The following AKT2 variants were observed in gnomAD, a reference collection of about 807,000 sequenced individuals.
The protein encoded by AKT2 is AKT serine/threonine kinase 2.
Under a neutral mutation model 58.6 loss-of-function variants are expected in AKT2, and 16 were observed. The ratio of observed to expected loss-of-function variants is 0.27; its 90% confidence interval spans 0.18 to 0.41. The LOEUF is 0.41. AKT2 is among the 10% of genes least tolerant of loss of function. The pLI, the probability that AKT2 is intolerant of heterozygous loss-of-function variation, is 1.00. For synonymous variants in AKT2, 253 were observed against 254.0 expected (o/e 1.00, Z 0.04); for missense variants, 438 against 661.0 (o/e 0.66, Z 3.70).
At chr19:40,240,434 G>A in intron 6 of AKT2, 1 of 544,442 alleles carries the variant, frequency 1.8e-6, no homozygotes, top group South Asian at 1.6e-5. Context: ...GCCACCACAG[G>A]CTGTGGGAAG....
chr19:40,248,327 G>A (rs564951194), intron 4 of AKT2, among the ~76,000 whole-genome samples: 183 of 152,370 alleles, frequency 1.2e-3, no homozygotes, highest in Non-Finnish European at 1.8e-3. Flanking sequence ...TGCAAATGTG[G>A]AGCATTTCTG....
chr19:40,267,558 A>G (rs1437566532), intron 1 of AKT2, among the ~76,000 whole-genome samples: 9 of 152,036 alleles, frequency 5.9e-5, no homozygotes, highest in Non-Finnish European at 1.5e-5. Context: ...CTCTTTGTGC[A>G]CCCTCGGAGC....
intron 4 of AKT2, among the ~76,000 whole-genome samples, chr19:40,250,665 A>G (rs1442940593): frequency 6.6e-6 from 1 of 152,006 alleles, no homozygotes; most frequent in Non-Finnish European, 1.5e-5. Context: ...CCATCTCTAC[A>G]AAAAATACAA....
chr19:40,280,385 T>C (rs1205630353), intron 1 of AKT2, among the ~76,000 whole-genome samples: 1 of 152,122 alleles, frequency 6.6e-6, no homozygotes, highest in Non-Finnish European at 1.5e-5. Context: ...CCTCAGGCCT[T>C]TGCTGGCTGT....
chr19:40,237,907 C>T lies in AKT2; in HGVS notation c.831+62G>A, dbSNP rs939568766. The T allele has an allele frequency of 4.4e-6, 7 of 1,604,544 alleles. No homozygotes were observed. In the African/African-American group the frequency reaches 8.0e-5, roughly 18 times the overall value. ...GGGCAGAAGCTCAGCCCAACTTCCC[C>T]AGTGTGAGTCCCATGTGGTGTGCAT... On this transcript the variant is annotated intron_variant, in intron 9 of 13. Coordinates refer to ENST00000392038, the MANE Select transcript of AKT2 (RefSeq NM_001626.6). This position sits in a 1 kb window ranked among gnomAD's most constrained non-coding sequence, Gnocchi z 4.5.
At chr19:40,249,304 G>A (rs1974974128) in intron 4 of AKT2, among the ~76,000 whole-genome samples, 1 of 152,214 alleles carries the variant, frequency 6.6e-6, no homozygotes, top group African/African-American at 2.4e-5. Flanking sequence ...TGGTGGCAGA[G>A]GAGACAGAGG....
intron 2 of AKT2, among the ~76,000 whole-genome samples, chr19:40,261,246 A>G (rs1461422692): frequency 1.3e-5 from 2 of 152,214 alleles, no homozygotes; most frequent in Non-Finnish European, 2.9e-5. Context: ...TAAAAGGACG[A>G]GTTCGGCCAG....
chr19:40,280,305 C>T (rs1338195211), intron 1 of AKT2, among the ~76,000 whole-genome samples: 1 of 152,186 alleles, frequency 6.6e-6, no homozygotes, highest in Non-Finnish European at 1.5e-5. Flanking sequence ...AGCCTCCCCT[C>T]CTCTTTCCCT....
At position 40,285,226 on chromosome 19, in the gene AKT2, G is replaced by A. The variant is rs1018042762; in HGVS notation, c.-130C>T. The A allele has an allele frequency of 2.0e-5, 8 of 394,904 alleles. No homozygotes were observed. Among genetic ancestry groups the A allele is most frequent in the African/African-American group, 1.2e-4 (6 of 48,364 alleles). The allele number at this position is 394,904 out of a possible 1,614,324, so 24.5% of individuals were successfully genotyped here. A position where few individuals can be genotyped will look rare whatever the true frequency, so the allele number is the denominator to read the frequency against. On this transcript the variant is annotated 5_prime_UTR_variant, in exon 1 of 14. Coordinates refer to ENST00000392038, the MANE Select transcript of AKT2 (RefSeq NM_001626.6). The stretch of plus-strand genomic sequence containing the variant: ...GCCTCTCCGGCGGGGCTCTACCCCC[G>A]CCCATCGCCACGCTGCGCTGGTTCC...
In AKT2 at chr19:40,238,789, C is replaced by A; in HGVS notation, c.708+116G>T. ...CCGCCTGCCTCAAGGGAGAGGGGCA[C>A]TAGATGACACTGAAATTTCCCTCCA... On this transcript the variant is annotated intron_variant, in intron 8 of 13. Transcript: ENST00000392038. The surrounding 1 kb of genome is among the most constrained non-coding windows in gnomAD (Gnocchi z 5.1). 1 of 1,121,702 alleles carries A rather than the reference C, an allele frequency of 8.9e-7. No individual in the cohort carries two copies. The highest frequency in any genetic ancestry group is 1.2e-5 in the South Asian group (1 of 80,796). 69.5% of individuals were successfully genotyped at this position (1,121,702 alleles called of 1,614,324 possible). A position where few individuals can be genotyped will look rare whatever the true frequency, so the allele number is the denominator to read the frequency against.
intron 4 of AKT2, among the ~76,000 whole-genome samples, chr19:40,249,713 A>G (rs1293059580): frequency 6.6e-6 from 1 of 152,228 alleles, no homozygotes; most frequent in Non-Finnish European, 1.5e-5. Flanking sequence ...TAATATATGA[A>G]AAGTCCTCGG....
chr19:40,263,882 C>T (rs558593296), intron 2 of AKT2, among the ~76,000 whole-genome samples: 2 of 152,292 alleles, frequency 1.3e-5, no homozygotes, highest in South Asian at 2.1e-4. Flanking sequence ...GCTCAATCCC[C>T]GATTTCCTTC....
Position 40,230,720 on chromosome 19 carries a change from T to G in AKT2, c.*3152A>C, listed in dbSNP as rs1218892673. On this transcript the variant is annotated 3_prime_UTR_variant, in exon 14 of 14. Coordinates refer to ENST00000392038, the MANE Select transcript of AKT2 (RefSeq NM_001626.6). The stretch of plus-strand genomic sequence containing the variant: ...TTTTTTAATAGCATGTATCATGTTT[T>G]TTTTTTTTTTATTTTTAGAGACACA... 1.4e-5 allele frequency: 3 copies of G among 208,014 alleles called. No individual in the cohort carries two copies. The highest frequency in any genetic ancestry group is 2.9e-5 in the Non-Finnish European group (3 of 102,090). The allele number at this position is 208,014 out of a possible 1,614,324, so 12.9% of individuals were successfully genotyped here.
In AKT2 at chr19:40,234,964, CCTT is replaced by C. The variant is rs762063836; in HGVS notation, c.1366+78_1366+80del. The C allele has an allele frequency of 2.3e-6, 3 of 1,303,300 alleles. No individual in the cohort carries two copies. The highest frequency in any genetic ancestry group is 2.2e-6 in the Non-Finnish European group (2 of 902,282). The allele number at this position is 1,303,300 out of a possible 1,614,324, so 80.7% of individuals were successfully genotyped here. A position where few individuals can be genotyped will look rare whatever the true frequency, so the allele number is the denominator to read the frequency against. Reference sequence around the variant, plus strand: ...TGAAGCGGGGGCCTTCGAGGGCCCTCCTTGAGAAGTGAGTTAAGAGCAGATCCC... The same window carrying C: ...TGAAGCGGGGGCCTTCGAGGGCCCTCGAGAAGTGAGTTAAGAGCAGATCCC... On this transcript the variant is annotated intron_variant, in intron 13 of 13. Coordinates refer to ENST00000392038, the MANE Select transcript of AKT2 (RefSeq NM_001626.6). This position sits in a 1 kb window ranked among gnomAD's most constrained non-coding sequence, Gnocchi z 4.7.
At position 40,241,967 on chromosome 19, in the gene AKT2, T is replaced by A; in HGVS notation, c.544A>T (p.Ile182Phe). 1 of 1,614,118 alleles carries A rather than the reference T, an allele frequency of 6.2e-7. No individual in the cohort carries two copies. Among genetic ancestry groups the A allele is most frequent in the Non-Finnish European group, 8.5e-7 (1 of 1,180,020 alleles). ...KATGRYYAMK[I>F]LRKEVIIAKD... ...GCAATGATGACTTCCTTCCGCAGGA[T>A]CTTCATGGCGTAGTAGCGGCCAGTG... is the stretch of plus-strand genomic sequence containing the variant. Residue 182 changes from isoleucine to phenylalanine, a missense_variant, in exon 6 of 14, where the codon ATC (isoleucine) becomes TTC (phenylalanine). Physicochemically the swap from Ile to Phe is conservative, Grantham distance 21. Transcript: ENST00000392038.
At chr19:40,281,840 G>A (rs941237116) in intron 1 of AKT2, among the ~76,000 whole-genome samples, 4 of 152,228 alleles carry the variant, frequency 2.6e-5, no homozygotes, top group African/African-American at 9.6e-5. Context: ...GACATTTCCG[G>A]TAGGCTTATT....
intron 1 of AKT2, among the ~76,000 whole-genome samples, chr19:40,266,813 T>A (rs1976390163): frequency 6.6e-6 from 1 of 152,008 alleles, no homozygotes. Flanking sequence ...AAATTAAAAA[T>A]TAAAAAATTA....
At chr19:40,239,911 G>A in intron 7 of AKT2, 134 bp downstream of exon 7, 1 of 1,101,806 alleles carries the variant, frequency 9.1e-7, no homozygotes. Flanking sequence ...TGACTTGGCA[G>A]GGCGCAGCAA....
chr19:40,241,974 G>A lies in AKT2; in HGVS notation c.537C>T (p.Ala179=), dbSNP rs1439764595. 6.2e-7 allele frequency: 1 copy of A among 1,614,180 alleles called. No individual in the cohort carries two copies. The highest frequency in any genetic ancestry group is 8.5e-7 in the Non-Finnish European group (1 of 1,180,042). The part of the protein sequence containing the change: ...VREKATGRYY[A]MKILRKEVII... Reference sequence around the variant, plus strand: ...TGACTTCCTTCCGCAGGATCTTCATGGCGTAGTAGCGGCCAGTGGCCTTCT... The same window carrying A: ...TGACTTCCTTCCGCAGGATCTTCATAGCGTAGTAGCGGCCAGTGGCCTTCT... Residue 179 remains alanine, a synonymous_variant, in exon 6 of 14, where the codon GCC becomes GCT. Transcript: ENST00000392038.
Sources: allele counts gnomAD v4.1 joint callset (sites outside exome capture counted in the v4.1 genomes callset), GRCh38; gene constraint gnomAD v4.1.1; non-coding constraint Gnocchi (gnomAD v3.1); transcripts MANE v1.5; gene names NCBI Gene and HGNC (gene_info 2026-07-23, HGNC 2026-07-21).